EDAR: variants seen among roughly 807,000 people sequenced by gnomAD.
The protein encoded by EDAR is tumor necrosis factor receptor superfamily member EDAR.
In EDAR, 38 loss-of-function variants were observed where a neutral mutation model predicts 51.3. The observed-to-expected ratio is 0.74, with a 90% CI of 0.57 to 0.97. The LOEUF is 0.97. EDAR is among the 50% of genes least tolerant of loss of function. EDAR has a pLI of 0.00. For missense variants in EDAR, 528 were observed against 595.0 expected, an observed-to-expected ratio of 0.89 and a Z score of 1.17; for synonymous variants, 227 against 242.1, an observed-to-expected ratio of 0.94 and a Z score of 0.58.
At position 108,917,617 on chromosome 2, in the gene EDAR, G is replaced by A. The variant is rs78811057; in HGVS notation, c.443-4853C>T. 3.0e-3 allele frequency among the ~76,000 whole-genome samples: 462 copies of A among 152,178 alleles called. 6 individuals carry two copies. The highest frequency in any genetic ancestry group is 8.2e-3 in the African/African-American group (339 of 41,512). On this transcript the variant is annotated intron_variant, in intron 5 of 11. Coordinates refer to ENST00000258443, the MANE Select transcript of EDAR (RefSeq NM_022336.4). ...TCCACAATTCAGTGCCTCTGCCCCC[G>A]GGCAAGACAGAAGGTATGCTAAGAC...
intron 11 of EDAR, among the ~76,000 whole-genome samples, chr2:108,901,825 C>T (rs1696704825): frequency 3.3e-5 from 5 of 152,186 alleles, no homozygotes; most frequent in Admixed American, 3.3e-4. Flanking sequence ...AATATCTAGC[C>T]AAACGCGGTG....
intron 5 of EDAR, among the ~76,000 whole-genome samples, chr2:108,914,208 C>T (rs1434218477): frequency 2.7e-5 from 4 of 150,418 alleles, no homozygotes; most frequent in Non-Finnish European, 4.4e-5. Flanking sequence ...TGCAGTGAGC[C>T]GAGATCACAC....
At chr2:108,986,037 C>G (rs1346965610) in intron 1 of EDAR, among the ~76,000 whole-genome samples, 6 of 152,088 alleles carry the variant, frequency 3.9e-5, no homozygotes, top group African/African-American at 1.4e-4. Context: ...TGTACAGGGT[C>G]AGCTATCCTT....
At position 108,931,034 on chromosome 2, in the gene EDAR, T is replaced by C; in HGVS notation, c.-18-2A>G. 6.2e-7 allele frequency: 1 copy of C among 1,613,844 alleles called. No individual in the cohort carries two copies. The highest frequency in any genetic ancestry group is 8.5e-7 in the Non-Finnish European group (1 of 1,179,854). On this transcript the variant is annotated splice_acceptor_variant, in intron 1 of 11. Transcript: ENST00000258443. LOFTEE classifies it low-confidence loss of function (5UTR_SPLICE). ...GGCCATCCTCTCCCAAGGGCTCACC[T>C]GAAAGACATGCGTCATTAGCTGGGC...
chr2:108,912,611 CCTCTT>C (rs1366353360), intron 6 of EDAR, 62 bp downstream of exon 6: 20 of 1,422,194 alleles, frequency 1.4e-5, no homozygotes, highest in Non-Finnish European at 1.8e-5. Flanking sequence ...CATTTCCTCT[CCTCTT>C]CTGAGCTTTC....
chr2:108,951,904 A>G (rs145895344), intron 1 of EDAR, among the ~76,000 whole-genome samples: 22 of 152,360 alleles, frequency 1.4e-4, no homozygotes, highest in African/African-American at 5.0e-4. Context: ...TGAATGGTGT[A>G]CAATGATGAG....
At chr2:108,902,022 A>G (rs1369849613) in intron 11 of EDAR, among the ~76,000 whole-genome samples, 1 of 151,850 alleles carries the variant, frequency 6.6e-6, no homozygotes, top group Non-Finnish European at 1.5e-5. Flanking sequence ...GGTGGACCAC[A>G]AGGTCAGGAG....
At chr2:108,984,484 C>T (rs901850516) in intron 1 of EDAR, among the ~76,000 whole-genome samples, 1 of 152,152 alleles carries the variant, frequency 6.6e-6, no homozygotes, top group Admixed American at 6.5e-5. Context: ...TTCTGTTCAA[C>T]CCTCCTTTCC....
Position 108,896,785 on chromosome 2 carries a change from AG to A in EDAR, c.*121del. On this transcript the variant is annotated 3_prime_UTR_variant, in exon 12 of 12. Coordinates refer to ENST00000258443, the MANE Select transcript of EDAR (RefSeq NM_022336.4). ...TTCGTCTGGCTCCTTGAACATCCTA[AG>A]GCATACGGTGACATATCACAAAAGC... The A allele has an allele frequency of 3.1e-6, 3 of 960,536 alleles. No individual in the cohort carries two copies. The Admixed American group carries it at 6.9e-5, about 22-fold the overall frequency. The allele number at this position is 960,536 out of a possible 1,614,324, so 59.5% of individuals were successfully genotyped here. A position where few individuals can be genotyped will look rare whatever the true frequency, so the allele number is the denominator to read the frequency against.
chr2:108,986,545 A>G (rs1698505310), intron 1 of EDAR, among the ~76,000 whole-genome samples: 1 of 152,322 alleles, frequency 6.6e-6, no homozygotes, highest in Non-Finnish European at 1.5e-5. Context: ...AGGCCTGGGC[A>G]TACTGAGTGC....
chr2:108,978,535 C>G (rs1451864404), intron 1 of EDAR, among the ~76,000 whole-genome samples: 1 of 152,154 alleles, frequency 6.6e-6, no homozygotes, highest in East Asian at 1.9e-4. Context: ...ACATGCAGAT[C>G]CTCCCAAGGA....
Position 108,960,373 on chromosome 2 carries a change from C to T in EDAR, c.-19+28587G>A, listed in dbSNP as rs558685141. Reference sequence around the variant, plus strand: ...TGGAGGGTGGTCTATGTTCTCAAGACGCTCTTGCTGATGAATGCCTCTATG... The same window carrying T: ...TGGAGGGTGGTCTATGTTCTCAAGATGCTCTTGCTGATGAATGCCTCTATG... On this transcript the variant is annotated intron_variant, in intron 1 of 11. Transcript: ENST00000258443. 3.8e-4 allele frequency among the ~76,000 whole-genome samples: 58 copies of T among 152,330 alleles called. No individual in the cohort carries two copies. The South Asian group carries it at 9.7e-3, about 26-fold the overall frequency.
At chr2:108,964,367 G>A (rs990144097) in intron 1 of EDAR, among the ~76,000 whole-genome samples, 6 of 152,098 alleles carry the variant, frequency 3.9e-5, no homozygotes, top group Admixed American at 1.3e-4. Context: ...ATGATGCCAC[G>A]GCTCCAAAGC....
intron 4 of EDAR, among the ~76,000 whole-genome samples, chr2:108,926,203 T>C (rs1028062529): frequency 2.0e-5 from 3 of 152,202 alleles, no homozygotes; most frequent in Non-Finnish European, 4.4e-5. Flanking sequence ...GGTGTTCATT[T>C]AGGGATCTCT....
At chr2:108,910,387 C>T (rs374595489) in intron 9 of EDAR, 73 bp downstream of exon 9, 2 of 1,258,632 alleles carry the variant, frequency 1.6e-6, no homozygotes, top group Non-Finnish European at 2.3e-6. Context: ...CACTCGGCTG[C>T]ACCCTGGTTC....
chr2:108,907,803 TG>T (rs2105393749), intron 10 of EDAR, 56 bp downstream of exon 10: 1 of 1,603,370 alleles, frequency 6.2e-7, no homozygotes, highest in East Asian at 2.2e-5. Context: ...GTTTTAGTCT[TG>T]CGGCTGTGAG....
intron 1 of EDAR, among the ~76,000 whole-genome samples, chr2:108,973,487 C>T (rs1698270600): frequency 1.3e-5 from 2 of 152,178 alleles, no homozygotes; most frequent in East Asian, 3.9e-4. Context: ...CTTTCCAGTA[C>T]CTGAGGATGC....
chr2:108,916,421 C>A (rs905082689), intron 5 of EDAR, among the ~76,000 whole-genome samples: 1 of 152,162 alleles, frequency 6.6e-6, no homozygotes, highest in Admixed American at 6.5e-5. Context: ...AGCACACAGA[C>A]TTGTGGGATG....
Position 108,982,991 on chromosome 2 carries a change from T to C in EDAR, c.-19+5969A>G, listed in dbSNP as rs375787151. 1.2e-4 allele frequency among the ~76,000 whole-genome samples: 19 copies of C among 152,342 alleles called. 3 individuals carry two copies. Among genetic ancestry groups the C allele is most frequent in the East Asian group, 7.7e-4 (4 of 5,184 alleles). ...AATTCAAAAAGAGTTCTGCTGAATG[T>C]AAATGGTACTTATTGGAGATTTTAT... On this transcript the variant is annotated intron_variant, in intron 1 of 11. Coordinates refer to ENST00000258443, the MANE Select transcript of EDAR (RefSeq NM_022336.4).
Sources: allele counts gnomAD v4.1 joint callset (sites outside exome capture counted in the v4.1 genomes callset), GRCh38; gene constraint gnomAD v4.1.1; transcripts MANE v1.5; gene names NCBI Gene and HGNC (gene_info 2026-07-23, HGNC 2026-07-21).